DLG2: variants seen among roughly 807,000 people sequenced by gnomAD.
DLG2 encodes disks large homolog 2.
A neutral mutation model predicts 132.5 loss-of-function variants in DLG2; 45 were observed. The ratio of observed to expected loss-of-function variants is 0.34; its 90% CI spans 0.27 to 0.44. The LOEUF is 0.44. DLG2 is among the 20% of genes least tolerant of loss of function. DLG2 has a pLI of 1.00. For synonymous variants in DLG2, 424 were observed against 419.6 expected (o/e 1.01, Z -0.13); for missense variants, 1,045 against 1,196.9 (o/e 0.87, Z 1.87).
chr11:84,796,638 C>T (rs1297075402), intron 6 of DLG2, among the ~76,000 whole-genome samples: 6 of 151,780 alleles, frequency 4.0e-5, no homozygotes, highest in African/African-American at 1.4e-4. Flanking sequence ...ATTTCTCCTT[C>T]ATGCTTGAAA....
At chr11:83,917,446 CAT>C (rs60251372) in intron 15 of DLG2, among the ~76,000 whole-genome samples, 5,058 of 152,184 alleles carry the variant, frequency 0.033, 173 homozygotes, top group African/African-American at 0.085. Flanking sequence ...GATATTGACA[CAT>C]GTTTAGTATA....
chr11:83,550,560 C>G (rs994780836), intron 19 of DLG2, among the ~76,000 whole-genome samples: 1 of 152,100 alleles, frequency 6.6e-6, no homozygotes, highest in African/African-American at 2.4e-5. Context: ...TGCGCAGAGC[C>G]AGAACTCACT....
intron 6 of DLG2, among the ~76,000 whole-genome samples, chr11:84,769,315 A>G (rs907716573): frequency 1.3e-5 from 2 of 152,198 alleles, no homozygotes; most frequent in African/African-American, 4.8e-5. Flanking sequence ...TGGAATTAAA[A>G]AACTCACTTA....
intron 9 of DLG2, among the ~76,000 whole-genome samples, chr11:84,127,469 G>A (rs2094226817): frequency 6.6e-6 from 1 of 152,170 alleles, no homozygotes; most frequent in Non-Finnish European, 1.5e-5. Context: ...CAAGGTAGTG[G>A]CAAGGTTGAT....
intron 11 of DLG2, among the ~76,000 whole-genome samples, chr11:84,008,556 G>A (rs1353748662): frequency 2.6e-5 from 4 of 151,708 alleles, no homozygotes; most frequent in Non-Finnish European, 5.9e-5. Flanking sequence ...ATCATCAAAT[G>A]CTTTTAATAA....
At chr11:83,552,331 G>A (rs1218723987) in intron 19 of DLG2, among the ~76,000 whole-genome samples, 1 of 152,166 alleles carries the variant, frequency 6.6e-6, no homozygotes, top group Non-Finnish European at 1.5e-5. Context: ...CTTGAAGGAG[G>A]TGAGGGAGTT....
At chr11:84,363,881 G>C (rs1031625792) in intron 7 of DLG2, among the ~76,000 whole-genome samples, 13 of 151,926 alleles carry the variant, frequency 8.6e-5, no homozygotes, top group Non-Finnish European at 1.9e-4. Flanking sequence ...CTCTGTTTTG[G>C]TACCAGTACC....
intron 3 of DLG2, among the ~76,000 whole-genome samples, chr11:85,468,500 C>T (rs898400278): frequency 2.6e-5 from 4 of 152,068 alleles, no homozygotes; most frequent in Non-Finnish European, 1.5e-5. Context: ...CCAGAGATTC[C>T]GGTATATTGA....
intron 11 of DLG2, among the ~76,000 whole-genome samples, chr11:83,988,998 A>G (rs552317865): frequency 6.6e-6 from 1 of 152,250 alleles, no homozygotes; most frequent in South Asian, 2.1e-4. Flanking sequence ...TGCAAGTAGA[A>G]CAAAACCAGT....
intron 5 of DLG2, among the ~76,000 whole-genome samples, chr11:85,118,999 G>T (rs1027345373): frequency 1.3e-5 from 2 of 151,634 alleles, no homozygotes; most frequent in African/African-American, 4.8e-5. Context: ...ATTAATTGGG[G>T]ATCTTTCTCC....
chr11:85,074,450 C>CACAG (rs1417340842), intron 6 of DLG2, among the ~76,000 whole-genome samples: 1 of 151,808 alleles, frequency 6.6e-6, no homozygotes, highest in African/African-American at 2.4e-5. Flanking sequence ...CCCATCAAGA[C>CACAG]ACAGGCTAGA....
chr11:84,514,577 T>G (rs1180072930), intron 7 of DLG2, among the ~76,000 whole-genome samples: 3 of 152,044 alleles, frequency 2.0e-5, no homozygotes, highest in African/African-American at 7.2e-5. Context: ...ATGTTCTCAC[T>G]TATTTTGGGA....
intron 7 of DLG2, among the ~76,000 whole-genome samples, chr11:84,329,794 C>A (rs915673952): frequency 1.3e-5 from 2 of 152,192 alleles, no homozygotes; most frequent in Admixed American, 1.3e-4. Context: ...CTTTGCTTCT[C>A]TTCTGAAACA....
intron 2 of DLG2, among the ~76,000 whole-genome samples, chr11:85,601,827 T>A (rs2080184290): frequency 6.6e-6 from 1 of 152,326 alleles, no homozygotes; most frequent in Non-Finnish European, 1.5e-5. Flanking sequence ...AATTTCTCAA[T>A]GAGGGCTTAA....
intron 3 of DLG2, among the ~76,000 whole-genome samples, chr11:85,596,614 A>G (rs1212469458): frequency 6.6e-6 from 1 of 152,126 alleles, no homozygotes; most frequent in Non-Finnish European, 1.5e-5. Context: ...TAATGGGTGA[A>G]ACCACTATCT....
intron 6 of DLG2, among the ~76,000 whole-genome samples, chr11:84,725,078 G>A (rs1242823241): frequency 6.6e-6 from 1 of 152,160 alleles, no homozygotes; most frequent in Non-Finnish European, 1.5e-5. Context: ...GGAGGAAAGA[G>A]AGAATATTGA....
intron 8 of DLG2, among the ~76,000 whole-genome samples, chr11:84,181,775 G>A (rs1323865281): frequency 6.6e-6 from 1 of 152,296 alleles, no homozygotes; most frequent in East Asian, 1.9e-4. Context: ...TAAATTATCA[G>A]AGATAAATAG....
intron 3 of DLG2, among the ~76,000 whole-genome samples, chr11:85,300,446 G>C (rs911979686): frequency 6.6e-6 from 1 of 152,106 alleles, no homozygotes; most frequent in Non-Finnish European, 1.5e-5. Context: ...AAAAGCTAGA[G>C]TCTGGGGCAG....
chr11:85,150,519 GC>G (rs1566938514), intron 5 of DLG2, among the ~76,000 whole-genome samples: 2 of 151,854 alleles, frequency 1.3e-5, no homozygotes, highest in Admixed American at 6.6e-5. Context: ...CATCTCTCCA[GC>G]CCTAGGCAAC....
Sources: gnomAD v4.1 joint callset for allele counts (sites outside exome capture counted in the v4.1 genomes callset) on GRCh38, gnomAD v4.1.1 for gene constraint, MANE v1.5 for transcripts, NCBI Gene and HGNC (gene_info 2026-07-23, HGNC 2026-07-21) for gene names.